GABRG3: variants seen among roughly 807,000 people sequenced by gnomAD.
GABRG3 encodes gamma-aminobutyric acid receptor subunit gamma-3.
A neutral mutation model predicts 48.8 loss-of-function variants in GABRG3; 25 were observed. The observed-to-expected ratio is 0.51, with a 90% CI of 0.37 to 0.72. The LOEUF (loss-of-function observed/expected upper bound fraction) is 0.72, where lower values mean the gene tolerates loss of function less well. Among genes scored for constraint, GABRG3 ranks in the 30% least tolerant of loss-of-function variants. The pLI is 0.00. For missense variants in GABRG3, 394 were observed against 577.9 expected (o/e 0.68, Z 3.26); for synonymous variants, 227 against 217.6 (o/e 1.04, Z -0.38).
chr15:27,455,556 TTGTG>T lies in GABRG3; in HGVS notation c.575-25089_575-25086del, dbSNP rs1217247106. On this transcript the variant is annotated intron_variant, in intron 5 of 9. Coordinates refer to ENST00000615808, the MANE Select transcript of GABRG3 (RefSeq NM_033223.5). ...TGTATGCTATGTGTGGTTTGTGAGT[TTGTG>T]TGTGGTGTGTGTGTGGTGTGTATGT... 3.4e-5 allele frequency among the ~76,000 whole-genome samples: 5 copies of T among 147,084 alleles called. No homozygotes were observed. The East Asian group carries it at 6.1e-4, about 18-fold the overall frequency.
intron 3 of GABRG3, among the ~76,000 whole-genome samples, chr15:27,315,909 T>A (rs1893197160): frequency 6.6e-6 from 1 of 152,196 alleles, no homozygotes; most frequent in Admixed American, 6.5e-5. Flanking sequence ...AAAATATCCA[T>A]CTCTTGGTCT....
intron 6 of GABRG3, among the ~76,000 whole-genome samples, chr15:27,508,941 A>C (rs928210725): frequency 6.6e-6 from 1 of 151,882 alleles, no homozygotes; most frequent in Non-Finnish European, 1.5e-5. Flanking sequence ...GGATGCTTTC[A>C]ATCTCCTGAC....
chr15:26,999,142 A>C (rs371737089), intron 2 of GABRG3, among the ~76,000 whole-genome samples: 1 of 151,920 alleles, frequency 6.6e-6, no homozygotes, highest in East Asian at 1.9e-4. Flanking sequence ...AAAAAAAAAA[A>C]ACACAATGAA....
chr15:27,044,869 A>G (rs11263700), intron 3 of GABRG3, among the ~76,000 whole-genome samples: 97,028 of 152,072 alleles, frequency 0.64, 31,138 homozygotes, highest in East Asian at 0.82. Context: ...CTGAGACTCA[A>G]TTATTTGTTA....
intron 5 of GABRG3, among the ~76,000 whole-genome samples, chr15:27,354,327 G>A (rs1205905889): frequency 6.6e-6 from 1 of 152,214 alleles, no homozygotes; most frequent in Non-Finnish European, 1.5e-5. Flanking sequence ...AGAGCAGGAT[G>A]GAATTCAGTG....
chr15:27,177,950 G>C (rs972469898), intron 3 of GABRG3, among the ~76,000 whole-genome samples: 1 of 152,146 alleles, frequency 6.6e-6, no homozygotes, highest in Non-Finnish European at 1.5e-5. Flanking sequence ...GGGGAAGGGA[G>C]ATCCTGCCTA....
intron 5 of GABRG3, among the ~76,000 whole-genome samples, chr15:27,463,800 G>A (rs1217554307): frequency 6.6e-6 from 1 of 152,178 alleles, no homozygotes; most frequent in Non-Finnish European, 1.5e-5. Context: ...TGCAGGGGGA[G>A]GCTGACAGCT....
intron 5 of GABRG3, among the ~76,000 whole-genome samples, chr15:27,357,898 A>G (rs1490157030): frequency 1.3e-5 from 2 of 152,194 alleles, no homozygotes; most frequent in Non-Finnish European, 2.9e-5. Context: ...TACCTTCCCA[A>G]ACATTGGTTT....
At chr15:27,126,860 G>A (rs927326904) in intron 3 of GABRG3, among the ~76,000 whole-genome samples, 9 of 152,170 alleles carry the variant, frequency 5.9e-5, no homozygotes, top group East Asian at 5.8e-4. Context: ...AGGTGACAGC[G>A]ATGGTGATGG....
chr15:27,341,786 G>A (rs2041408911), intron 5 of GABRG3, among the ~76,000 whole-genome samples: 1 of 152,152 alleles, frequency 6.6e-6, no homozygotes, highest in Non-Finnish European at 1.5e-5. Context: ...AGACACTCAG[G>A]CCATGGAGTG....
intron 3 of GABRG3, among the ~76,000 whole-genome samples, chr15:27,196,038 C>A (rs1212080216): frequency 6.6e-6 from 1 of 152,172 alleles, no homozygotes; most frequent in African/African-American, 2.4e-5. Flanking sequence ...AGGCATCTTC[C>A]CTTGGAGGTG....
At chr15:27,251,866 G>A (rs541124604) in intron 3 of GABRG3, among the ~76,000 whole-genome samples, 2 of 152,290 alleles carry the variant, frequency 1.3e-5, no homozygotes, top group Admixed American at 6.5e-5. Flanking sequence ...CCCTGTCTCT[G>A]CCTCTGCCGC....
intron 3 of GABRG3, 119 bp downstream of exon 3, chr15:27,026,940 A>C: frequency 1.7e-6 from 1 of 603,456 alleles, no homozygotes; most frequent in South Asian, 2.8e-5. Context: ...TGACTTCTTA[A>C]ATCTGTAACA....
intron 6 of GABRG3, among the ~76,000 whole-genome samples, chr15:27,486,365 T>C (rs1376092360): frequency 6.6e-6 from 1 of 152,220 alleles, no homozygotes; most frequent in Non-Finnish European, 1.5e-5. Context: ...CGCATGGCTA[T>C]GGCAAAAGCC....
At chr15:27,277,495 ATGCCTAAC>A (rs1376565666) in intron 3 of GABRG3, among the ~76,000 whole-genome samples, 1 of 152,244 alleles carries the variant, frequency 6.6e-6, no homozygotes, top group Non-Finnish European at 1.5e-5. Context: ...AGAATCAATG[ATGCCTAAC>A]TGGAGGAGAT....
chr15:27,525,828 G>T (rs1454993518), intron 7 of GABRG3, among the ~76,000 whole-genome samples: 1 of 152,024 alleles, frequency 6.6e-6, no homozygotes, highest in Non-Finnish European at 1.5e-5. Flanking sequence ...GAGAACATTA[G>T]GGAAAAGAGC....
intron 3 of GABRG3, among the ~76,000 whole-genome samples, chr15:27,199,642 C>G (rs1282570675): frequency 6.6e-6 from 1 of 152,068 alleles, no homozygotes; most frequent in East Asian, 1.9e-4. Flanking sequence ...CTCCCTCTCG[C>G]CAGCTGATGT....
intron 3 of GABRG3, among the ~76,000 whole-genome samples, chr15:27,276,185 G>A (rs1891247295): frequency 6.6e-6 from 1 of 152,184 alleles, no homozygotes; most frequent in Non-Finnish European, 1.5e-5. Context: ...GGAAGGCTTT[G>A]GGTAGGCCTT....
At chr15:27,510,220 G>A (rs1261101477) in intron 6 of GABRG3, among the ~76,000 whole-genome samples, 1 of 152,152 alleles carries the variant, frequency 6.6e-6, no homozygotes, top group African/African-American at 2.4e-5. Context: ...ATGGTGAGAT[G>A]TTATCTATGT....
Sources: gnomAD v4.1 joint callset for allele counts (sites outside exome capture counted in the v4.1 genomes callset) on GRCh38, gnomAD v4.1.1 for gene constraint, MANE v1.5 for transcripts, NCBI Gene and HGNC (gene_info 2026-07-23, HGNC 2026-07-21) for gene names.